PTPN2: variants seen among roughly 807,000 people sequenced by gnomAD.
PTPN2 encodes protein tyrosine phosphatase non-receptor type 2, also known as tyrosine-protein phosphatase non-receptor type 2.
Under a neutral mutation model 57.3 loss-of-function variants are expected in PTPN2, and 19 were observed. The observed-to-expected ratio is 0.33, with a 90% CI of 0.23 to 0.49. The LOEUF is 0.49. PTPN2 is among the 20% of genes least tolerant of loss of function. PTPN2 has a pLI of 0.99. For synonymous variants in PTPN2, 153 were observed against 164.9 expected (o/e 0.93, Z 0.55); for missense variants, 358 against 501.1 (o/e 0.71, Z 2.73).
chr18:12,875,486 A>C (rs2044457382), intron 1 of PTPN2, among the ~76,000 whole-genome samples: 1 of 151,528 alleles, frequency 6.6e-6, no homozygotes, highest in Non-Finnish European at 1.5e-5. Flanking sequence ...TATATGGCTA[A>C]TCACTCTTAT....
intron 7 of PTPN2, among the ~76,000 whole-genome samples, chr18:12,806,608 T>C (rs1204496283): frequency 1.3e-5 from 2 of 151,960 alleles, no homozygotes; most frequent in Non-Finnish European, 2.9e-5. Flanking sequence ...TAAAGACCAA[T>C]AAAACAGAAG....
intron 6 of PTPN2, among the ~76,000 whole-genome samples, chr18:12,815,239 C>T (rs1185838380): frequency 6.6e-6 from 1 of 151,560 alleles, no homozygotes; most frequent in African/African-American, 2.4e-5. Flanking sequence ...TGGTAAAACC[C>T]CGTCTCTACT....
intron 9 of PTPN2, chr18:12,786,996 AAT>A (rs769553149): frequency 1.1e-4 from 17 of 152,304 alleles, no homozygotes; most frequent in South Asian, 8.3e-4. Flanking sequence ...AGTGCTGCAA[AAT>A]ATATATGTTT....
intron 1 of PTPN2, among the ~76,000 whole-genome samples, chr18:12,874,914 G>C (rs1377085993): frequency 6.6e-6 from 1 of 152,192 alleles, no homozygotes; most frequent in Admixed American, 6.5e-5. Flanking sequence ...TGCCGTGTCT[G>C]TGTGGAAAGA....
chr18:12,845,442 G>A (rs575214800), intron 2 of PTPN2, among the ~76,000 whole-genome samples: 36 of 152,092 alleles, frequency 2.4e-4, no homozygotes, highest in Admixed American at 3.9e-4. Flanking sequence ...CATTTTCTTA[G>A]AGCAACTGTA....
intron 9 of PTPN2, chr18:12,786,069 T>TA (rs1389620788): frequency 3.8e-6 from 2 of 532,302 alleles, no homozygotes; most frequent in African/African-American, 4.0e-5. Context: ...CGGCCTCATG[T>TA]GGAAGCATCG....
intron 2 of PTPN2, chr18:12,840,954 C>A: frequency 1.4e-6 from 2 of 1,469,124 alleles, no homozygotes; most frequent in Non-Finnish European, 1.8e-6. Context: ...CTGTTCCCTG[C>A]ATTGAATACT....
At chr18:12,866,894 A>G (rs1311342432) in intron 1 of PTPN2, among the ~76,000 whole-genome samples, 1 of 151,942 alleles carries the variant, frequency 6.6e-6, no homozygotes, top group Non-Finnish European at 1.5e-5. Context: ...AGTCCCAGCT[A>G]CTCGGGACAC....
At chr18:12,869,071 A>T (rs937542977) in intron 1 of PTPN2, 2 of 151,948 alleles carry the variant, frequency 1.3e-5, no homozygotes, top group African/African-American at 4.8e-5. Context: ...AATCGCTTGA[A>T]CTCCGGAGGC....
At chr18:12,834,979 C>G (rs908450545) in intron 3 of PTPN2, among the ~76,000 whole-genome samples, 14 of 152,118 alleles carry the variant, frequency 9.2e-5, no homozygotes, top group African/African-American at 3.4e-4. Context: ...CCAAGCCCCA[C>G]TGGTGGCCCT....
chr18:12,797,041 C>G (rs564475340), intron 8 of PTPN2, among the ~76,000 whole-genome samples: 1 of 152,234 alleles, frequency 6.6e-6, no homozygotes, highest in Non-Finnish European at 1.5e-5. Context: ...ATCTGAATAT[C>G]TGCTATAATG....
At position 12,870,342 on chromosome 18, in the gene PTPN2, C is replaced by T. The variant is rs9959350; in HGVS notation, c.70-11088G>A. 1.3e-3 allele frequency among the ~76,000 whole-genome samples: 42 copies of T among 32,652 alleles called. 1 individual carries two copies. Among genetic ancestry groups the T allele is most frequent in the African/African-American group, 6.9e-3 (34 of 4,930 alleles). 21.4% of individuals were successfully genotyped at this position (32,652 alleles called of 152,430 possible). A position where few individuals can be genotyped will look rare whatever the true frequency, so the allele number is the denominator to read the frequency against. ...ATGTGTATATATATGTATATATATA[C>T]ATATATATGTGTATATATATGTGTA... On this transcript the variant is annotated intron_variant, in intron 1 of 8. Coordinates refer to ENST00000309660, the MANE Select transcript of PTPN2 (RefSeq NM_002828.4).
chr18:12,873,486 C>T (rs755768154), intron 1 of PTPN2, among the ~76,000 whole-genome samples: 1 of 152,222 alleles, frequency 6.6e-6, no homozygotes, highest in African/African-American at 2.4e-5. Context: ...GACGGGGTTT[C>T]GCTGTGTTGG....
At chr18:12,834,472 T>C (rs543177514) in intron 3 of PTPN2, among the ~76,000 whole-genome samples, 8 of 152,358 alleles carry the variant, frequency 5.3e-5, no homozygotes, top group African/African-American at 1.9e-4. Flanking sequence ...TACAAAATTT[T>C]TAACTGTTAT....
chr18:12,793,046 A>C lies in PTPN2; in HGVS notation c.*1232T>G. Reference sequence around the variant, plus strand: ...AATGAGCATAGTTTGAAAACCACTGAAATAAGGTATGCTATCCATAATAAT... The same window carrying C: ...AATGAGCATAGTTTGAAAACCACTGCAATAAGGTATGCTATCCATAATAAT... On this transcript the variant is annotated 3_prime_UTR_variant, in exon 9 of 9. Transcript: ENST00000309660. 2.0e-6 allele frequency: 2 copies of C among 985,440 alleles called. No homozygotes were observed. The highest frequency in any genetic ancestry group is 2.4e-6 in the Non-Finnish European group (2 of 829,910). The allele number at this position is 985,440 out of a possible 1,614,324, so 61.0% of individuals were successfully genotyped here. A position where few individuals can be genotyped will look rare whatever the true frequency, so the allele number is the denominator to read the frequency against.
intron 5 of PTPN2, among the ~76,000 whole-genome samples, chr18:12,818,586 T>A (rs2042159690): frequency 6.6e-6 from 1 of 152,152 alleles, no homozygotes; most frequent in Non-Finnish European, 1.5e-5. Flanking sequence ...CTTTATACTC[T>A]TCATTTGTGT....
chr18:12,839,558 G>A (rs540252753), intron 2 of PTPN2: 4 of 152,250 alleles, frequency 2.6e-5, no homozygotes, highest in African/African-American at 9.6e-5. Context: ...CCAGTAAAGG[G>A]AGAAAAATGA....
At chr18:12,858,972 T>A (rs1425400339) in intron 2 of PTPN2, among the ~76,000 whole-genome samples, 192 bp downstream of exon 2, 1 of 152,216 alleles carries the variant, frequency 6.6e-6, no homozygotes, top group Non-Finnish European at 1.5e-5. Context: ...GTTTGAAGGA[T>A]GAAATAATTA....
chr18:12,786,949 G>A lies in PTPN2; in HGVS notation c.1143-1105C>T, dbSNP rs915374348. The A allele has an allele frequency of 3.9e-5, 6 of 152,334 alleles. 1 individual carries two copies. The South Asian group carries it at 1.2e-3, about 32-fold the overall frequency. 9.4% of individuals were successfully genotyped at this position (152,334 alleles called of 1,614,324 possible). On this transcript the variant is annotated intron_variant, in intron 9 of 9. Transcript: ENST00000327283. ...TTTATTACATGAATCTTCAGAATGT[G>A]AACCAAAGTGGCTGAAGGTACTTTG... is the stretch of plus-strand genomic sequence containing the variant.
Sources: gnomAD v4.1 joint callset for allele counts (sites outside exome capture counted in the v4.1 genomes callset) on GRCh38, gnomAD v4.1.1 for gene constraint, MANE v1.5 for transcripts, NCBI Gene and HGNC (gene_info 2026-07-23, HGNC 2026-07-21) for gene names.